The following NAALADL2 variants were observed in gnomAD, a reference collection of about 807,000 sequenced individuals.
NAALADL2 encodes N-acetylated alpha-linked acidic dipeptidase like 2.
Under a neutral mutation model 87.2 loss-of-function variants are expected in NAALADL2, and 76 were observed. The ratio of observed to expected loss-of-function variants is 0.87; its 90% CI spans 0.72 to 1.05. The LOEUF is 1.05. NAALADL2 is among the 50% of genes least tolerant of loss of function. The pLI is 0.00. For synonymous variants in NAALADL2, 354 were observed against 331.0 expected (o/e 1.07, Z -0.75); for missense variants, 1,089 against 945.8 (o/e 1.15, Z -1.99).
intron 3 of NAALADL2, among the ~76,000 whole-genome samples, chr3:174,749,114 C>T (rs1460106089): frequency 6.8e-6 from 1 of 147,826 alleles, no homozygotes; most frequent in African/African-American, 2.5e-5. Flanking sequence ...ATCCCCTGTT[C>T]TACCATGCCT....
chr3:174,987,531 T>G (rs1380369870), intron 1 of NAALADL2, among the ~76,000 whole-genome samples: 2 of 104,818 alleles, frequency 1.9e-5, no homozygotes, highest in African/African-American at 4.3e-5. Context: ...ATTGCGCCAC[T>G]GCACTCCAGC....
intron 3 of NAALADL2, among the ~76,000 whole-genome samples, chr3:174,783,179 A>C (rs1716201249): frequency 6.6e-6 from 1 of 152,162 alleles, no homozygotes; most frequent in Non-Finnish European, 1.5e-5. Flanking sequence ...AAACATTTAC[A>C]GCTTTTGAAA....
chr3:174,819,126 C>T (rs1417672300), intron 3 of NAALADL2, among the ~76,000 whole-genome samples: 3 of 115,728 alleles, frequency 2.6e-5, no homozygotes, highest in South Asian at 3.0e-4. Flanking sequence ...GGCACAATCT[C>T]GACTCATTGC....
intron 3 of NAALADL2, among the ~76,000 whole-genome samples, chr3:174,768,823 A>T (rs1714175755): frequency 6.6e-6 from 1 of 152,046 alleles, no homozygotes; most frequent in African/African-American, 2.4e-5. Context: ...ATATAATTGA[A>T]CTTTTAGAAG....
chr3:175,738,338 C>T (rs1473460762), intron 12 of NAALADL2, among the ~76,000 whole-genome samples: 2 of 152,034 alleles, frequency 1.3e-5, no homozygotes, highest in Non-Finnish European at 2.9e-5. Context: ...ACCTCCACCT[C>T]CCAGGTTCAA....
intron 1 of NAALADL2, among the ~76,000 whole-genome samples, chr3:174,887,961 A>G (rs2109770353): frequency 6.6e-6 from 1 of 152,310 alleles, no homozygotes; most frequent in East Asian, 1.9e-4. Flanking sequence ...TGATGATCAA[A>G]GTTATAAAAA....
chr3:175,103,807 G>A (rs778670349), intron 2 of NAALADL2, among the ~76,000 whole-genome samples: 2 of 152,102 alleles, frequency 1.3e-5, no homozygotes, highest in Non-Finnish European at 2.9e-5. Flanking sequence ...TAATGCCAAA[G>A]AGTTCAAAAT....
chr3:175,096,698 C>A, intron 1 of NAALADL2, 92 bp from the exon 2 acceptor site: 1 of 684,752 alleles, frequency 1.5e-6, no homozygotes, highest in Non-Finnish European at 2.2e-6. Context: ...AATCATTAAA[C>A]ACTCAATATG....
intron 1 of NAALADL2, among the ~76,000 whole-genome samples, chr3:174,876,104 G>T (rs1475560686): frequency 6.6e-6 from 1 of 151,788 alleles, no homozygotes; most frequent in African/African-American, 2.4e-5. Context: ...CGTTTTATGT[G>T]ATCAGATGTT....
At chr3:174,872,973 A>C (rs1728027060) in intron 1 of NAALADL2, among the ~76,000 whole-genome samples, 1 of 152,148 alleles carries the variant, frequency 6.6e-6, no homozygotes. Context: ...GCAAATGGAC[A>C]TCCCCAACCT....
At chr3:175,625,229 C>A (rs150891452) in intron 10 of NAALADL2, among the ~76,000 whole-genome samples, 8 of 151,982 alleles carry the variant, frequency 5.3e-5, no homozygotes, top group Non-Finnish European at 1.2e-4. Flanking sequence ...TCTATTTAAA[C>A]TCCACATAAC....
At chr3:175,393,243 C>T (rs113747697) in intron 5 of NAALADL2, among the ~76,000 whole-genome samples, 4 of 120,830 alleles carry the variant, frequency 3.3e-5, no homozygotes, top group South Asian at 2.7e-4. Flanking sequence ...CACTGCAGTC[C>T]GCAGTCCGGC....
intron 2 of NAALADL2, among the ~76,000 whole-genome samples, chr3:174,650,160 T>C (rs1724211157): frequency 6.6e-6 from 1 of 152,076 alleles, no homozygotes; most frequent in Admixed American, 6.5e-5. Flanking sequence ...GGTTCAGGGA[T>C]TGGGTAGAAG....
At position 174,823,815 on chromosome 3, in the gene NAALADL2, A is replaced by G. The variant is rs1421192238; in HGVS notation, c.-9+86069A>G. 2.6e-5 allele frequency among the ~76,000 whole-genome samples: 4 copies of G among 152,262 alleles called. No individual in the cohort carries two copies. The East Asian group carries it at 7.7e-4, about 29-fold the overall frequency. ...AACCTCCGCCTCCCGGGTTCAAGCTATTCTCCTGCCTCAGCCTCCCGAGTA... is the reference window on the plus strand; with the variant it reads ...AACCTCCGCCTCCCGGGTTCAAGCTGTTCTCCTGCCTCAGCCTCCCGAGTA... On this transcript the variant is annotated intron_variant, in intron 3 of 3. Transcript: ENST00000434257.
At chr3:175,685,057 C>T (rs1422865860) in intron 11 of NAALADL2, among the ~76,000 whole-genome samples, 3 of 152,156 alleles carry the variant, frequency 2.0e-5, no homozygotes, top group Non-Finnish European at 2.9e-5. Flanking sequence ...ATTCTCCTGG[C>T]ATGGTTAACT....
At chr3:175,786,470 C>G (rs558513448) in intron 13 of NAALADL2, among the ~76,000 whole-genome samples, 1 of 151,878 alleles carries the variant, frequency 6.6e-6, no homozygotes, top group South Asian at 2.1e-4. Context: ...TTGCTGATAC[C>G]CTTTCTTCCA....
chr3:175,375,110 T>C (rs2148964041), intron 5 of NAALADL2, among the ~76,000 whole-genome samples: 1 of 152,266 alleles, frequency 6.6e-6, no homozygotes, highest in Middle Eastern at 3.4e-3. Context: ...AGTCTACTAC[T>C]GGACTCTCTA....
At chr3:175,556,137 C>T (rs1715227430) in intron 9 of NAALADL2, among the ~76,000 whole-genome samples, 1 of 152,110 alleles carries the variant, frequency 6.6e-6, no homozygotes, top group South Asian at 2.1e-4. Context: ...GTAGTGATAA[C>T]AGCCTGTCTC....
intron 9 of NAALADL2, among the ~76,000 whole-genome samples, chr3:175,511,358 T>A (rs1309490358): frequency 1.3e-5 from 2 of 152,192 alleles, no homozygotes; most frequent in Non-Finnish European, 2.9e-5. Flanking sequence ...AAAATGAGGC[T>A]GTCAGCCTAG....
Sources: allele counts gnomAD v4.1 joint callset (sites outside exome capture counted in the v4.1 genomes callset), GRCh38; gene constraint gnomAD v4.1.1; transcripts MANE v1.5; gene names NCBI Gene and HGNC (gene_info 2026-07-23, HGNC 2026-07-21).